DNM3: variants seen among roughly 807,000 people sequenced by gnomAD.
DNM3 encodes dynamin 3, also known as dynamin-3.
In DNM3, 47 loss-of-function variants were observed where a neutral mutation model predicts 101.6. The ratio of observed to expected loss-of-function variants is 0.46; its 90% CI spans 0.37 to 0.59. The LOEUF is 0.59. DNM3 is among the 20% of genes least tolerant of loss of function. The pLI, the probability that DNM3 is intolerant of heterozygous loss-of-function variation, is 0.00. For missense variants in DNM3, 849 were observed against 1,085.7 expected, an observed-to-expected ratio of 0.78 and a Z score of 3.06; for synonymous variants, 385 against 387.9, an observed-to-expected ratio of 0.99 and a Z score of 0.09.
At chr1:172,185,034 C>T (rs2059475375) in intron 14 of DNM3, among the ~76,000 whole-genome samples, 1 of 152,000 alleles carries the variant, frequency 6.6e-6, no homozygotes, top group Admixed American at 6.6e-5. Flanking sequence ...AAAAGGGAGG[C>T]TGGAAACTTA....
rs761866452 is a variant in DNM3 at position 172,408,217 on chromosome 1, C to A, written c.*376C>A. On this transcript the variant is annotated 3_prime_UTR_variant, in exon 21 of 21. Transcript: ENST00000627582. Reference sequence around the variant, plus strand: ...TCAGATATGAGATAGTGGGCTTAGACCTAAGCCATACATATTTCTTTTCCC... The same window carrying A: ...TCAGATATGAGATAGTGGGCTTAGAACTAAGCCATACATATTTCTTTTCCC... 62 of 1,025,752 alleles carry A rather than the reference C, an allele frequency of 6.0e-5. No individual in the cohort carries two copies. The highest frequency in any genetic ancestry group is 6.8e-5 in the Non-Finnish European group (58 of 854,166). 63.5% of individuals were successfully genotyped at this position (1,025,752 alleles called of 1,614,324 possible).
At chr1:171,876,842 G>C (rs1205385065) in intron 1 of DNM3, among the ~76,000 whole-genome samples, 1 of 152,284 alleles carries the variant, frequency 6.6e-6, no homozygotes, top group South Asian at 2.1e-4. Flanking sequence ...AAATGTTTTT[G>C]CTATTTGGGG....
chr1:171,934,452 C>G (rs1468721887), intron 2 of DNM3, among the ~76,000 whole-genome samples: 1 of 152,204 alleles, frequency 6.6e-6, no homozygotes, highest in African/African-American at 2.4e-5. Context: ...TGAATCAAAG[C>G]TATACTAGTC....
chr1:172,061,575 A>C (rs1020922458), intron 10 of DNM3, among the ~76,000 whole-genome samples: 1 of 151,856 alleles, frequency 6.6e-6, no homozygotes, highest in Admixed American at 6.6e-5. Context: ...GGAAATCATC[A>C]TTCTCAGTAA....
intron 14 of DNM3, among the ~76,000 whole-genome samples, chr1:172,235,117 T>A (rs1378735754): frequency 3.3e-5 from 5 of 152,094 alleles, no homozygotes; most frequent in Admixed American, 6.5e-5. Context: ...AAAGGGCTAA[T>A]ATCCAGAATC....
chr1:172,233,789 C>G (rs1357347211), intron 14 of DNM3, among the ~76,000 whole-genome samples: 1 of 152,128 alleles, frequency 6.6e-6, no homozygotes, highest in African/African-American at 2.4e-5. Flanking sequence ...ACGACAAAAA[C>G]CACATGATTA....
chr1:172,083,117 A>C (rs1174513337), intron 12 of DNM3, among the ~76,000 whole-genome samples: 1 of 152,116 alleles, frequency 6.6e-6, no homozygotes, highest in East Asian at 1.9e-4. Flanking sequence ...TTTTAGCCCC[A>C]AGACTCTCAC....
chr1:172,008,243 T>C (rs1222600078), intron 4 of DNM3, among the ~76,000 whole-genome samples: 3 of 152,066 alleles, frequency 2.0e-5, no homozygotes, highest in Non-Finnish European at 4.4e-5. Flanking sequence ...TTGTTGCCTG[T>C]ACTTTCTTAT....
Position 172,411,662 on chromosome 1 carries a change from C to T in DNM3, c.*3821C>T. The stretch of plus-strand genomic sequence containing the variant: ...TAGGTCATCCACTTTTTCAGGTAAA[C>T]ATTTTTCATTTGGCAAATGGCATAA... On this transcript the variant is annotated 3_prime_UTR_variant, in exon 21 of 21. Transcript: ENST00000627582. 1 of 984,988 alleles carries T rather than the reference C, an allele frequency of 1.0e-6. No homozygotes were observed. Among genetic ancestry groups the T allele is most frequent in the Non-Finnish European group, 1.2e-6 (1 of 829,776 alleles). 61.0% of individuals were successfully genotyped at this position (984,988 alleles called of 1,614,324 possible). A position where few individuals can be genotyped will look rare whatever the true frequency, so the allele number is the denominator to read the frequency against.
chr1:171,973,405 T>G (rs2044153156), intron 2 of DNM3, among the ~76,000 whole-genome samples: 1 of 152,216 alleles, frequency 6.6e-6, no homozygotes, highest in Non-Finnish European at 1.5e-5. Flanking sequence ...CTCAATTCTT[T>G]TTTTTTAATT....
At chr1:172,236,438 A>AT (rs1339545896) in intron 14 of DNM3, among the ~76,000 whole-genome samples, 3 of 152,208 alleles carry the variant, frequency 2.0e-5, no homozygotes, top group Non-Finnish European at 2.9e-5. Flanking sequence ...TTCTAGTTTT[A>AT]TTTTAATGAA....
chr1:172,418,395 G>A (rs79899182), exon 21 of DNM3: 54,119 of 1,176,212 alleles, frequency 0.046, 1,763 homozygotes, highest in South Asian at 0.15. Context: ...TGCACTATAT[G>A]TCGTATGTAC....
chr1:172,079,366 G>A (rs960446196), intron 11 of DNM3, among the ~76,000 whole-genome samples: 2 of 151,774 alleles, frequency 1.3e-5, no homozygotes, highest in Admixed American at 6.6e-5. Flanking sequence ...ACTACATTAA[G>A]TTGATCTTCA....
At chr1:172,151,081 T>C (rs1476284502) in intron 14 of DNM3, among the ~76,000 whole-genome samples, 2 of 152,208 alleles carry the variant, frequency 1.3e-5, no homozygotes, top group African/African-American at 2.4e-5. Flanking sequence ...TGTAAATATG[T>C]ATATAAGTGT....
At chr1:172,062,684 T>G (rs966014169) in intron 10 of DNM3, among the ~76,000 whole-genome samples, 20 of 152,174 alleles carry the variant, frequency 1.3e-4, no homozygotes, top group African/African-American at 4.6e-4. Context: ...CTTCTTTGAC[T>G]TCTCATATGC....
At chr1:172,302,352 A>T (rs1041651713) in intron 15 of DNM3, among the ~76,000 whole-genome samples, 1 of 152,216 alleles carries the variant, frequency 6.6e-6, no homozygotes, top group African/African-American at 2.4e-5. Flanking sequence ...TTGAGTAGGT[A>T]AACAGAGCAG....
intron 1 of DNM3, 33 bp downstream of exon 1, chr1:171,841,850 C>A (rs1271855915): frequency 6.3e-7 from 1 of 1,587,538 alleles, no homozygotes; most frequent in Non-Finnish European, 8.5e-7. Context: ...AAGGATGCGG[C>A]AGTGGGGCGA....
At chr1:172,273,008 TC>T (rs2148755079) in intron 15 of DNM3, among the ~76,000 whole-genome samples, 1 of 152,230 alleles carries the variant, frequency 6.6e-6, no homozygotes, top group Admixed American at 6.6e-5. Flanking sequence ...TATTCTTTTT[TC>T]TTTAAATGTT....
At chr1:172,325,177 G>C (rs2065890395) in intron 17 of DNM3, among the ~76,000 whole-genome samples, 4 of 152,098 alleles carry the variant, frequency 2.6e-5, no homozygotes, top group African/African-American at 9.7e-5. Context: ...AATACAATGA[G>C]AAAATTCAAA....
Sources: allele counts gnomAD v4.1 joint callset (sites outside exome capture counted in the v4.1 genomes callset), GRCh38; gene constraint gnomAD v4.1.1; transcripts MANE v1.5; gene names NCBI Gene and HGNC (gene_info 2026-07-23, HGNC 2026-07-21).